Variants in HHIP observed in about 807,000 individuals in gnomAD.
HHIP encodes hedgehog-interacting protein.
In HHIP, 12 loss-of-function variants were observed where a neutral mutation model predicts 74.0. That is an observed-to-expected ratio of 0.16 (90% confidence interval 0.10 to 0.26). The LOEUF is 0.26. HHIP is among the 10% of genes least tolerant of loss of function. HHIP has a pLI of 1.00. For synonymous variants in HHIP, 309 were observed against 311.6 expected, an observed-to-expected ratio of 0.99 and a Z score of 0.09; for missense variants, 788 against 845.0, an observed-to-expected ratio of 0.93 and a Z score of 0.84.
At chr4:144,694,497 T>C (rs1729761718) in intron 4 of HHIP, among the ~76,000 whole-genome samples, 1 of 151,898 alleles carries the variant, frequency 6.6e-6, no homozygotes, top group Non-Finnish European at 1.5e-5. Flanking sequence ...ACCAGTGTTA[T>C]ATTTCTATAT....
intron 4 of HHIP, among the ~76,000 whole-genome samples, chr4:144,687,751 C>CTTTTTTTTTTTT (rs5862719): frequency 4.1e-5 from 3 of 73,442 alleles, no homozygotes; most frequent in African/African-American, 5.4e-5. Flanking sequence ...CTTTTGGCAA[C>CTTTTTTTTTTTT]TTTTTTTTTT....
intron 4 of HHIP, among the ~76,000 whole-genome samples, chr4:144,692,057 T>G (rs1261035492): frequency 6.6e-6 from 1 of 152,116 alleles, no homozygotes; most frequent in African/African-American, 2.4e-5. Context: ...CCCACCATGA[T>G]GAAGAAAAGA....
At chr4:144,730,170 T>G (rs957170900) in intron 11 of HHIP, among the ~76,000 whole-genome samples, 2 of 152,156 alleles carry the variant, frequency 1.3e-5, no homozygotes, top group African/African-American at 4.8e-5. Context: ...CTTCTCAACT[T>G]CCCTTCTTTC....
chr4:144,696,640 A>G (rs1214585026), intron 4 of HHIP, among the ~76,000 whole-genome samples: 1 of 151,902 alleles, frequency 6.6e-6, no homozygotes, highest in African/African-American at 2.4e-5. Flanking sequence ...TCCAATCACA[A>G]TCTCTGCTTT....
At chr4:144,708,379 T>G in intron 7 of HHIP, 68 bp downstream of exon 7, 1 of 1,528,030 alleles carries the variant, frequency 6.5e-7, no homozygotes, top group Non-Finnish European at 9.0e-7. Flanking sequence ...TGGGAAAATA[T>G]AGCATAGAGC....
chr4:144,668,624 C>T (rs1728944227), intron 4 of HHIP, among the ~76,000 whole-genome samples: 1 of 151,762 alleles, frequency 6.6e-6, no homozygotes, highest in South Asian at 2.1e-4. Flanking sequence ...TGGGGGTGCA[C>T]ACCTGTAGTC....
At chr4:144,736,136 CTT>C (rs36088965) in intron 12 of HHIP, among the ~76,000 whole-genome samples, 6 of 128,254 alleles carry the variant, frequency 4.7e-5, no homozygotes, top group Non-Finnish European at 3.2e-5. Context: ...TTTTCTGCAT[CTT>C]TTTTTTTTTT....
rs768658940 is a variant in HHIP at position 144,737,795 on chromosome 4, T to G, written c.1941T>G (p.Gly647=). ...AKCEPACRHG[G]VCVRPNKCLC... is the part of the protein sequence containing the mutation. ...GTGAGCCAGCATGTCGTCATGGAGG[T>G]GTCTGTGTTAGACCGAACAAGTGCC... The change falls in exon 13 of 13, where the codon GGT becomes GGG. Residue 647 remains glycine (G), a synonymous_variant. Coordinates refer to ENST00000296575, the MANE Select transcript of HHIP (RefSeq NM_022475.3). 4 of 1,609,446 alleles carry G rather than the reference T, an allele frequency of 2.5e-6. No individual in the cohort carries two copies. In the East Asian group the frequency reaches 6.7e-5, roughly 27 times the overall value.
chr4:144,655,877 G>C (rs1344563692), intron 2 of HHIP, among the ~76,000 whole-genome samples: 5 of 152,114 alleles, frequency 3.3e-5, no homozygotes, highest in Non-Finnish European at 5.9e-5. Flanking sequence ...TTATACGTCA[G>C]TATTTATAGG....
At position 144,741,415 on chromosome 4, in the gene HHIP, C is replaced by T. The variant is rs1289346960; in HGVS notation, c.*3458C>T. 1 of 114,386 alleles carries T rather than the reference C, an allele frequency of 8.7e-6. No individual in the cohort carries two copies. 7.1% of individuals were successfully genotyped at this position (114,386 alleles called of 1,614,324 possible). A position where few individuals can be genotyped will look rare whatever the true frequency, so the allele number is the denominator to read the frequency against. On this transcript the variant is annotated 3_prime_UTR_variant, in exon 13 of 13. Transcript: ENST00000296575. ...TTTTTTTTTTTGAGACGGAGCCTTG[C>T]TATGTTGCCCAGGCTGCAGAGCAGC...
intron 4 of HHIP, among the ~76,000 whole-genome samples, chr4:144,672,418 T>G (rs1729062043): frequency 6.6e-6 from 1 of 152,136 alleles, no homozygotes; most frequent in Non-Finnish European, 1.5e-5. Flanking sequence ...CAAACCTCGG[T>G]CAAGGTGAAG....
At chr4:144,704,820 G>T (rs950805082) in intron 4 of HHIP, among the ~76,000 whole-genome samples, 2 of 152,126 alleles carry the variant, frequency 1.3e-5, no homozygotes, top group Admixed American at 1.3e-4. Context: ...AATGTGCAGT[G>T]GCTTCTCTAC....
At chr4:144,679,750 T>C (rs1729283763) in intron 4 of HHIP, among the ~76,000 whole-genome samples, 1 of 152,174 alleles carries the variant, frequency 6.6e-6, no homozygotes, top group Non-Finnish European at 1.5e-5. Context: ...TTAGTCATAA[T>C]AATACGACTA....
Position 144,696,258 on chromosome 4 carries a change from T to C in HHIP, c.832-10273T>C, listed in dbSNP as rs142209553. ...TGAGTGTATTTACACCACATAAATT[T>C]ACACAAATCTGCACCTCTTTTTTTT... On this transcript the variant is annotated intron_variant, in intron 4 of 12. Transcript: ENST00000296575. Among the ~76,000 whole-genome samples the C allele has an allele frequency of 2.0e-5, 3 of 151,428 alleles. No homozygotes were observed. The East Asian group carries it at 5.8e-4, about 29-fold the overall frequency.
At chr4:144,702,710 G>C (rs1730019925) in intron 4 of HHIP, among the ~76,000 whole-genome samples, 1 of 151,850 alleles carries the variant, frequency 6.6e-6, no homozygotes, top group Non-Finnish European at 1.5e-5. Context: ...ACCAAACTGA[G>C]GAAATCCTAA....
intron 11 of HHIP, among the ~76,000 whole-genome samples, chr4:144,721,306 A>AAC (rs986019585): frequency 5.9e-5 from 9 of 151,520 alleles, no homozygotes; most frequent in Admixed American, 1.3e-4. Flanking sequence ...CACACACAAA[A>AAC]ACACACACAC....
At chr4:144,717,512 G>T (rs561078608) in intron 10 of HHIP, among the ~76,000 whole-genome samples, 1 of 152,226 alleles carries the variant, frequency 6.6e-6, no homozygotes, top group Non-Finnish European at 1.5e-5. Context: ...TTTCATGGGG[G>T]AGGACCAAAT....
intron 1 of HHIP, chr4:144,648,823 A>T (rs555504561): frequency 9.9e-5 from 15 of 152,228 alleles, no homozygotes; most frequent in African/African-American, 1.9e-4. Context: ...TTATATAAAA[A>T]TTTTTTTAAA....
intron 4 of HHIP, among the ~76,000 whole-genome samples, chr4:144,662,042 A>G (rs1448932858): frequency 6.6e-6 from 1 of 152,222 alleles, no homozygotes; most frequent in African/African-American, 2.4e-5. Flanking sequence ...TCACAATTAC[A>G]TTAATTGATG....
Sources: gnomAD v4.1 joint callset for allele counts (sites outside exome capture counted in the v4.1 genomes callset) on GRCh38, gnomAD v4.1.1 for gene constraint, MANE v1.5 for transcripts, NCBI Gene and HGNC (gene_info 2026-07-23, HGNC 2026-07-21) for gene names.